LIN7A: variants seen among roughly 807,000 people sequenced by gnomAD.
LIN7A encodes the protein lin-7 cell polarity scaffold A, also known as protein lin-7 homolog A.
Under a neutral mutation model 29.8 loss-of-function variants are expected in LIN7A, and 25 were observed. That is an observed-to-expected ratio of 0.84 (90% CI 0.61 to 1.17). The LOEUF is 1.17. LIN7A is among the 50% of genes most tolerant of loss of function. LIN7A has a pLI of 0.00. For missense variants in LIN7A, 239 were observed against 287.0 expected (o/e 0.83, Z 1.21); for synonymous variants, 118 against 107.5 (o/e 1.10, Z -0.60).
chr12:80,911,159 A>G (rs970147682), intron 1 of LIN7A, among the ~76,000 whole-genome samples: 1 of 152,166 alleles, frequency 6.6e-6, no homozygotes, highest in South Asian at 2.1e-4. Context: ...TATTCAGTAC[A>G]TATGTTCACT....
intron 1 of LIN7A, among the ~76,000 whole-genome samples, chr12:80,913,509 T>C (rs144837518): frequency 6.6e-6 from 1 of 152,278 alleles, no homozygotes; most frequent in Non-Finnish European, 1.5e-5. Context: ...ATTGTGATCT[T>C]GATGTGTTCG....
intron 5 of LIN7A, among the ~76,000 whole-genome samples, chr12:80,800,959 A>G (rs1396207913): frequency 1.3e-5 from 2 of 152,144 alleles, no homozygotes; most frequent in African/African-American, 4.8e-5. Flanking sequence ...AAAACTTTAC[A>G]CAGATATTTA....
chr12:80,817,104 T>C (rs1037990654), intron 4 of LIN7A, among the ~76,000 whole-genome samples: 2 of 152,210 alleles, frequency 1.3e-5, no homozygotes, highest in African/African-American at 4.8e-5. Context: ...TTCTGTTCAT[T>C]CAATAGTTTT....
intron 1 of LIN7A, among the ~76,000 whole-genome samples, chr12:80,895,304 T>C (rs942480478): frequency 6.6e-6 from 1 of 152,194 alleles, no homozygotes; most frequent in Non-Finnish European, 1.5e-5. Flanking sequence ...TATTGGAACT[T>C]AAAAATATTA....
chr12:80,874,809 C>G (rs1233886200), intron 2 of LIN7A, among the ~76,000 whole-genome samples: 1 of 152,100 alleles, frequency 6.6e-6, no homozygotes, highest in Non-Finnish European at 1.5e-5. Context: ...CGGTGAAGCC[C>G]CGTCTCTACT....
chr12:80,915,160 A>C (rs1417677216), intron 1 of LIN7A, among the ~76,000 whole-genome samples: 2 of 150,858 alleles, frequency 1.3e-5, no homozygotes, highest in Non-Finnish European at 2.9e-5. Flanking sequence ...AGCAAAAAAA[A>C]AAAAAACAAA....
At chr12:80,804,439 T>A (rs1870873733) in intron 5 of LIN7A, among the ~76,000 whole-genome samples, 1 of 152,126 alleles carries the variant, frequency 6.6e-6, no homozygotes, top group Non-Finnish European at 1.5e-5. Flanking sequence ...TTGCTTTGAT[T>A]TTTAGTTCCC....
At chr12:80,880,602 T>C (rs1874971823) in intron 2 of LIN7A, among the ~76,000 whole-genome samples, 4 of 152,206 alleles carry the variant, frequency 2.6e-5, no homozygotes, top group African/African-American at 9.7e-5. Flanking sequence ...AATATGTCTC[T>C]ATGAAAAGTG....
intron 5 of LIN7A, among the ~76,000 whole-genome samples, chr12:80,808,010 C>T (rs1287728848): frequency 6.6e-6 from 1 of 152,176 alleles, no homozygotes; most frequent in Non-Finnish European, 1.5e-5. Context: ...AATCTAACTT[C>T]CCTCAGTGGC....
At chr12:80,810,135 C>G (rs1351403440) in intron 5 of LIN7A, among the ~76,000 whole-genome samples, 1 of 152,162 alleles carries the variant, frequency 6.6e-6, no homozygotes, top group African/African-American at 2.4e-5. Flanking sequence ...CTAACTGAAA[C>G]TTGTAACCTT....
At chr12:80,928,196 G>T (rs1034256366) in intron 1 of LIN7A, among the ~76,000 whole-genome samples, 2 of 152,164 alleles carry the variant, frequency 1.3e-5, no homozygotes, top group Non-Finnish European at 2.9e-5. Context: ...ATAGTAGCAT[G>T]ATTTATAATC....
intron 2 of LIN7A, among the ~76,000 whole-genome samples, chr12:80,881,836 C>T (rs916898708): frequency 2.0e-5 from 3 of 152,004 alleles, no homozygotes; most frequent in African/African-American, 7.2e-5. Context: ...TCTAGTTATC[C>T]TTGGTTATCT....
intron 4 of LIN7A, among the ~76,000 whole-genome samples, chr12:80,823,961 C>T (rs1001201586): frequency 6.6e-6 from 1 of 151,884 alleles, no homozygotes; most frequent in African/African-American, 2.4e-5. Flanking sequence ...TCAGACCTCA[C>T]AAAACTAGAG....
chr12:80,828,172 A>AT (rs1872174327), intron 4 of LIN7A, among the ~76,000 whole-genome samples: 1 of 152,208 alleles, frequency 6.6e-6, no homozygotes, highest in Non-Finnish European at 1.5e-5. Flanking sequence ...CAATTTGGCA[A>AT]TATCTATTAA....
At chr12:80,811,141 A>G (rs919280201) in intron 5 of LIN7A, among the ~76,000 whole-genome samples, 1 of 152,192 alleles carries the variant, frequency 6.6e-6, no homozygotes, top group African/African-American at 2.4e-5. Flanking sequence ...GGGTTTGCAC[A>G]GAGGCTGCAT....
At chr12:80,867,844 T>G (rs906415770) in intron 2 of LIN7A, among the ~76,000 whole-genome samples, 2 of 152,218 alleles carry the variant, frequency 1.3e-5, no homozygotes, top group Non-Finnish European at 2.9e-5. Context: ...TTTCAATTTG[T>G]GCCTCGCTAG....
At chr12:80,853,216 G>A (rs570531741) in intron 2 of LIN7A, among the ~76,000 whole-genome samples, 2 of 152,116 alleles carry the variant, frequency 1.3e-5, no homozygotes, top group African/African-American at 4.8e-5. Flanking sequence ...GCTATCTTTA[G>A]GGTCTCTTTT....
intron 4 of LIN7A, among the ~76,000 whole-genome samples, chr12:80,835,673 C>A (rs1872565676): frequency 6.6e-6 from 1 of 152,146 alleles, no homozygotes. Context: ...CATACTTTCT[C>A]TTATTTAATC....
intron 1 of LIN7A, among the ~76,000 whole-genome samples, chr12:80,913,788 G>A (rs1185500181): frequency 6.6e-6 from 1 of 151,986 alleles, no homozygotes; most frequent in Non-Finnish European, 1.5e-5. Flanking sequence ...TCTTCAAGTA[G>A]TCTTTTGTTC....
Sources: allele counts gnomAD v4.1 joint callset (sites outside exome capture counted in the v4.1 genomes callset), GRCh38; gene constraint gnomAD v4.1.1; transcripts MANE v1.5; gene names NCBI Gene and HGNC (gene_info 2026-07-23, HGNC 2026-07-21).